The following EDA variants were observed in gnomAD, a reference collection of about 807,000 sequenced individuals.
EDA encodes the protein ectodysplasin-A.
In EDA, 2 loss-of-function variants were observed where a neutral mutation model predicts 23.6. That is an observed-to-expected ratio of 0.08 (90% CI 0.03 to 0.27). The LOEUF (loss-of-function observed/expected upper bound fraction) is 0.27, where lower values mean the gene tolerates loss of function less well. Among genes scored for constraint, EDA ranks in the 10% least tolerant of loss-of-function variants. EDA has a pLI of 1.00. For synonymous variants in EDA, 131 were observed against 132.0 expected (o/e 0.99, Z 0.05); for missense variants, 229 against 324.2 (o/e 0.71, Z 2.26).
At chrX:69,804,177 G>A (rs1406676103) in intron 1 of EDA, among the ~76,000 whole-genome samples, 5 of 110,705 alleles carry the variant, frequency 4.5e-5, no homozygotes, top group South Asian at 3.8e-4. Context: ...ATCAATTCCC[G>A]GTAGTGAGAT....
chrX:69,952,382 C>T (rs1162446830), intron 1 of EDA, among the ~76,000 whole-genome samples: 3 of 111,334 alleles, frequency 2.7e-5, no homozygotes, highest in South Asian at 3.8e-4. Flanking sequence ...TGGCAGCAGG[C>T]GAAGAGAGAG....
At chrX:69,719,868 G>A (rs181684277) in intron 1 of EDA, among the ~76,000 whole-genome samples, 1 of 110,079 alleles carries the variant, frequency 9.1e-6, no homozygotes, top group East Asian at 2.9e-4. Context: ...TCCTGCCTCA[G>A]GCTCCTGAGT....
At chrX:69,786,236 A>T (rs1459630298) in intron 1 of EDA, among the ~76,000 whole-genome samples, 1 of 110,513 alleles carries the variant, frequency 9.0e-6, no homozygotes, top group African/African-American at 3.3e-5. Context: ...CCTTTCAAAA[A>T]CCCAGCGCCT....
chrX:69,633,181 A>G (rs1052103054), intron 1 of EDA, among the ~76,000 whole-genome samples: 18 of 111,885 alleles, frequency 1.6e-4, no homozygotes, highest in African/African-American at 5.9e-4. Flanking sequence ...CATTTATTCT[A>G]ATCATATTTC....
intron 2 of EDA, among the ~76,000 whole-genome samples, chrX:69,994,675 G>T (rs2019632707): frequency 9.0e-6 from 1 of 111,695 alleles, no homozygotes; most frequent in South Asian, 3.8e-4. Context: ...GGGATTCAAG[G>T]TTAAAGCAGC....
At chrX:69,801,770 A>AATTAAC (rs2015692500) in intron 1 of EDA, among the ~76,000 whole-genome samples, 1 of 111,929 alleles carries the variant, frequency 8.9e-6, no homozygotes, top group East Asian at 2.8e-4. Context: ...CTTACTAGTA[A>AATTAAC]TCTGGAAAAT....
intron 1 of EDA, among the ~76,000 whole-genome samples, chrX:69,738,802 T>C (rs2013355185): frequency 9.1e-6 from 1 of 110,153 alleles, no homozygotes; most frequent in African/African-American, 3.3e-5. Context: ...ATTTCCCAAC[T>C]TTATTTCTGT....
intron 1 of EDA, among the ~76,000 whole-genome samples, chrX:69,707,208 G>A (rs1320700457): frequency 8.9e-6 from 1 of 112,090 alleles, no homozygotes; most frequent in Admixed American, 9.5e-5. Context: ...AGAAAACAGA[G>A]AGAACTAATT....
chrX:69,881,126 A>G (rs2147620279), intron 1 of EDA, among the ~76,000 whole-genome samples: 1 of 111,604 alleles, frequency 9.0e-6, no homozygotes, highest in Admixed American at 9.5e-5. Flanking sequence ...AAGAAAAAGC[A>G]AAGCCAGTGA....
chrX:69,845,140 T>C (rs1357602827), intron 1 of EDA, among the ~76,000 whole-genome samples: 1 of 112,676 alleles, frequency 8.9e-6, no homozygotes, highest in Non-Finnish European at 1.9e-5. Flanking sequence ...AGGGTAGCTC[T>C]ACATAGTTGA....
chrX:69,810,036 C>T (rs1446725840), intron 1 of EDA, among the ~76,000 whole-genome samples: 1 of 106,421 alleles, frequency 9.4e-6, no homozygotes, highest in East Asian at 3.0e-4. Context: ...CTGAGGTGGG[C>T]GGATCACGAG....
rs757949055 is a variant in EDA, at chrX:69,948,923, A to G, written c.397-8104A>G. ...ATCATTTTATATCTATGACATATCT[A>G]TCATGGATATGTACCAATGAGACAA... On this transcript the variant is annotated intron_variant, in intron 1 of 7. Coordinates refer to ENST00000374552, the MANE Select transcript of EDA (RefSeq NM_001399.5). 1.5e-3 allele frequency among the ~76,000 whole-genome samples: 165 copies of G among 111,572 alleles called. 4 individuals carry two copies. Among genetic ancestry groups the G allele is most frequent in the Non-Finnish European group, 4.5e-4 (24 of 53,106 alleles).
At chrX:69,966,651 C>T (rs2019178672) in intron 2 of EDA, among the ~76,000 whole-genome samples, 1 of 108,705 alleles carries the variant, frequency 9.2e-6, no homozygotes, top group South Asian at 3.9e-4. Context: ...TGTTTTGTTG[C>T]CAAAAGGAGG....
At chrX:69,955,643 A>C (rs1249125440) in intron 1 of EDA, among the ~76,000 whole-genome samples, 1 of 112,014 alleles carries the variant, frequency 8.9e-6, no homozygotes, top group African/African-American at 3.2e-5. Flanking sequence ...CAAATTAACC[A>C]TTCTATTTTG....
At chrX:69,734,703 G>A (rs1407382570) in intron 1 of EDA, among the ~76,000 whole-genome samples, 1 of 111,544 alleles carries the variant, frequency 9.0e-6, no homozygotes, top group Non-Finnish European at 1.9e-5. Flanking sequence ...TATTGAGATA[G>A]ATATTGTTTA....
At chrX:69,620,958 G>C (rs1433960385) in intron 1 of EDA, 1 of 362,038 alleles carries the variant, frequency 2.8e-6, no homozygotes, top group African/African-American at 2.6e-5. Context: ...TGAGTAAATA[G>C]TTCCACTGGA....
intron 1 of EDA, among the ~76,000 whole-genome samples, chrX:69,950,936 T>A (rs1347850336): frequency 3.9e-4 from 27 of 69,238 alleles, no homozygotes; most frequent in African/African-American, 1.3e-3. Context: ...CTCTGGGGCC[T>A]GTTGTGGGGT....
At chrX:70,020,787 AT>A (rs1343314911) in intron 2 of EDA, among the ~76,000 whole-genome samples, 1 of 111,867 alleles carries the variant, frequency 8.9e-6, no homozygotes, top group Non-Finnish European at 1.9e-5. Context: ...CAATGTAAAA[AT>A]GTAGTTATTG....
At chrX:69,789,488 G>T (rs746157299) in intron 1 of EDA, among the ~76,000 whole-genome samples, 1 of 111,945 alleles carries the variant, frequency 8.9e-6, no homozygotes, top group Non-Finnish European at 1.9e-5. Flanking sequence ...TCAAATGAAG[G>T]CTCTGCACCA....
Sources: gnomAD v4.1 joint callset for allele counts (sites outside exome capture counted in the v4.1 genomes callset) on GRCh38, gnomAD v4.1.1 for gene constraint, MANE v1.5 for transcripts, NCBI Gene and HGNC (gene_info 2026-07-23, HGNC 2026-07-21) for gene names.